Variants in CNTN4 observed in about 807,000 individuals in gnomAD.
CNTN4 encodes contactin 4.
CNTN4 carries 77 observed loss-of-function variants against 122.5 expected under a neutral mutation model. That is an observed-to-expected ratio of 0.63 (90% CI 0.52 to 0.76). The LOEUF (loss-of-function observed/expected upper bound fraction) is 0.76, where lower values mean the gene tolerates loss of function less well. CNTN4 is among the 30% of genes least tolerant of loss of function. The pLI is 0.00. For synonymous variants in CNTN4, 512 were observed against 447.0 expected (o/e 1.15, Z -1.83); for missense variants, 1,256 against 1,259.1 (o/e 1.00, Z 0.04).
Position 2,293,763 on chromosome 3 carries a change from A to T in CNTN4, c.-144-45415A>T, listed in dbSNP as rs562560076. On this transcript the variant is annotated intron_variant, in intron 2 of 24. Transcript: ENST00000418658. ...ATAGAATATTAATTTTAATCCAGCA[A>T]TCCAGTTTACCTAAATATTCTCCAA... 2.0e-5 allele frequency among the ~76,000 whole-genome samples: 3 copies of T among 152,294 alleles called. No individual in the cohort carries two copies. In the South Asian group the frequency reaches 6.2e-4, roughly 32 times the overall value.
chr3:2,439,003 T>A (rs895671977), intron 3 of CNTN4, among the ~76,000 whole-genome samples: 2 of 152,350 alleles, frequency 1.3e-5, no homozygotes, highest in Admixed American at 1.3e-4. Context: ...CAGGCTAGAC[T>A]GTGGCCATGG....
At chr3:2,903,043 T>C (rs1559642589) in intron 12 of CNTN4, 38 bp downstream of exon 12, 2 of 1,596,290 alleles carry the variant, frequency 1.3e-6, no homozygotes, top group Non-Finnish European at 1.7e-6. Context: ...AAATTAAAAC[T>C]CTTTAGATCA....
At chr3:2,254,910 T>C (rs1021043166) in intron 2 of CNTN4, among the ~76,000 whole-genome samples, 3 of 152,248 alleles carry the variant, frequency 2.0e-5, no homozygotes, top group Non-Finnish European at 4.4e-5. Flanking sequence ...TTTGTCCATC[T>C]TGGCTTTTGT....
At chr3:2,419,639 A>G (rs2047543426) in intron 3 of CNTN4, among the ~76,000 whole-genome samples, 1 of 152,220 alleles carries the variant, frequency 6.6e-6, no homozygotes, top group Non-Finnish European at 1.5e-5. Context: ...GAAATTTTCA[A>G]CCAGTTTTTA....
chr3:2,983,547 C>G lies in CNTN4; in HGVS notation c.1359-4798C>G, dbSNP rs547002575. On this transcript the variant is annotated intron_variant, in intron 13 of 24. Transcript: ENST00000418658. ...GTCTCACTGACATATGCCCAAGCACCTGTCCCGCCTGGTGTATTTTACATG... is the reference window on the plus strand; with the variant it reads ...GTCTCACTGACATATGCCCAAGCACGTGTCCCGCCTGGTGTATTTTACATG... 6.5e-4 allele frequency among the ~76,000 whole-genome samples: 99 copies of G among 152,326 alleles called. 1 individual carries two copies. The highest frequency in any genetic ancestry group is 6.8e-3 in the Middle Eastern group (2 of 294).
chr3:2,414,557 G>T (rs1307035129), intron 3 of CNTN4, among the ~76,000 whole-genome samples: 2 of 152,038 alleles, frequency 1.3e-5, no homozygotes, highest in African/African-American at 4.8e-5. Context: ...TATATCACTT[G>T]TTAATAGTAA....
At chr3:2,935,946 G>T (rs1347558748) in intron 13 of CNTN4, among the ~76,000 whole-genome samples, 3 of 152,174 alleles carry the variant, frequency 2.0e-5, no homozygotes, top group Non-Finnish European at 4.4e-5. Flanking sequence ...TAGGTGCAAG[G>T]AGCAGCGGGA....
At chr3:2,668,054 A>C (rs2084276368) in intron 4 of CNTN4, among the ~76,000 whole-genome samples, 1 of 152,150 alleles carries the variant, frequency 6.6e-6, no homozygotes, top group South Asian at 2.1e-4. Context: ...CTTTTGACTC[A>C]GGATTGTCTT....
At chr3:2,583,741 A>G (rs1559267735) in intron 4 of CNTN4, among the ~76,000 whole-genome samples, 2 of 152,190 alleles carry the variant, frequency 1.3e-5, no homozygotes, top group Non-Finnish European at 2.9e-5. Flanking sequence ...TCATTTAATA[A>G]CAATTTGTTA....
chr3:2,613,766 G>A (rs576172537), intron 4 of CNTN4, among the ~76,000 whole-genome samples: 2 of 152,140 alleles, frequency 1.3e-5, no homozygotes, highest in South Asian at 4.1e-4. Context: ...TTTTAAGGTT[G>A]AATAGAGAAC....
intron 6 of CNTN4, among the ~76,000 whole-genome samples, chr3:2,810,147 C>T (rs1336028202): frequency 6.6e-6 from 1 of 152,056 alleles, no homozygotes; most frequent in African/African-American, 2.4e-5. Flanking sequence ...TCGGGAAAAT[C>T]CGGATTCTAA....
intron 2 of CNTN4, among the ~76,000 whole-genome samples, chr3:2,164,154 A>C (rs1388353365): frequency 6.6e-6 from 1 of 152,052 alleles, no homozygotes; most frequent in African/African-American, 2.4e-5. Context: ...AACCACCTGT[A>C]CCCCCACAAC....
In CNTN4 at chr3:2,770,438, G is replaced by A. The variant is rs563923227; in HGVS notation, c.358+24741G>A. ...ACACAAACCTTCCCTGGTGGGGGAG[G>A]GCCAAGGGCCCTCAGCTTCCTTCAT... is the stretch of plus-strand genomic sequence containing the variant. On this transcript the variant is annotated intron_variant, in intron 6 of 24. Transcript: ENST00000418658. 7.6e-4 allele frequency among the ~76,000 whole-genome samples: 115 copies of A among 152,274 alleles called. 1 individual carries two copies. Among genetic ancestry groups the A allele is most frequent in the African/African-American group, 2.6e-3 (109 of 41,560 alleles).
chr3:2,774,061 C>G (rs940755906), intron 6 of CNTN4, among the ~76,000 whole-genome samples: 1 of 151,988 alleles, frequency 6.6e-6, no homozygotes, highest in Non-Finnish European at 1.5e-5. Context: ...TGCCCAGCCT[C>G]GATTTAGTAG....
At chr3:2,903,884 A>C (rs1450749892) in intron 12 of CNTN4, among the ~76,000 whole-genome samples, 1 of 152,240 alleles carries the variant, frequency 6.6e-6, no homozygotes, top group African/African-American at 2.4e-5. Flanking sequence ...GCACTCAATA[A>C]ACATTGAATG....
intron 3 of CNTN4, among the ~76,000 whole-genome samples, chr3:2,430,727 C>T (rs1451958296): frequency 2.6e-5 from 4 of 151,498 alleles, no homozygotes; most frequent in African/African-American, 9.7e-5. Flanking sequence ...ATATCCTAAT[C>T]AGTTTTTGGA....
intron 6 of CNTN4, among the ~76,000 whole-genome samples, chr3:2,757,765 T>A (rs2090402872): frequency 6.6e-6 from 1 of 152,200 alleles, no homozygotes; most frequent in South Asian, 2.1e-4. Flanking sequence ...AGAGGTTAAA[T>A]CTCAAATTCA....
At chr3:2,173,405 A>G (rs997479602) in intron 2 of CNTN4, among the ~76,000 whole-genome samples, 1 of 152,168 alleles carries the variant, frequency 6.6e-6, no homozygotes, top group African/African-American at 2.4e-5. Context: ...CCATAATGTA[A>G]TTTACCTGTA....
intron 14 of CNTN4, among the ~76,000 whole-genome samples, chr3:3,021,219 A>AG (rs1481792827): frequency 2.6e-5 from 4 of 152,284 alleles, no homozygotes; most frequent in African/African-American, 9.6e-5. Context: ...TCTAATGTTT[A>AG]GGGTATGCCT....
Sources: allele counts gnomAD v4.1 joint callset (sites outside exome capture counted in the v4.1 genomes callset), GRCh38; gene constraint gnomAD v4.1.1; transcripts MANE v1.5; gene names NCBI Gene and HGNC (gene_info 2026-07-23, HGNC 2026-07-21).